Variants in CNTN4 observed in about 807,000 individuals in gnomAD.
CNTN4 encodes contactin-4.
Under a neutral mutation model 122.5 loss-of-function variants are expected in CNTN4, and 77 were observed. The observed-to-expected ratio is 0.63, with a 90% CI of 0.52 to 0.76. The LOEUF is 0.76. Among genes scored for constraint, CNTN4 ranks in the 30% least tolerant of loss-of-function variants. The probability of loss-of-function intolerance (pLI) is 0.00; values close to 1 mark genes in which losing one functional copy is unlikely to be tolerated. For missense variants in CNTN4, 1,256 were observed against 1,259.1 expected (o/e 1.00, Z 0.04); for synonymous variants, 512 against 447.0 (o/e 1.15, Z -1.83).
intron 3 of CNTN4, among the ~76,000 whole-genome samples, chr3:2,544,184 T>C (rs528827089): frequency 8.5e-5 from 13 of 152,282 alleles, no homozygotes; most frequent in Middle Eastern, 3.4e-3. Context: ...GATTGTCCCA[T>C]GACAGCGAGT....
Position 2,324,553 on chromosome 3 carries a change from G to T in CNTN4, c.-144-14625G>T, listed in dbSNP as rs544305929. 3.7e-4 allele frequency among the ~76,000 whole-genome samples: 57 copies of T among 152,144 alleles called. No individual in the cohort carries two copies. The South Asian group carries it at 0.012, about 31-fold the overall frequency. ...CAGTTTTAATTTCTATAAATCCAGA[G>T]ATTTGAACAATTCCCCTGCTAGCTT... On this transcript the variant is annotated intron_variant, in intron 2 of 24. Coordinates refer to ENST00000418658, the MANE Select transcript of CNTN4 (RefSeq NM_175607.3).
At chr3:2,813,082 A>G (rs1214878716) in intron 6 of CNTN4, among the ~76,000 whole-genome samples, 2 of 152,336 alleles carry the variant, frequency 1.3e-5, no homozygotes, top group East Asian at 3.9e-4. Flanking sequence ...AATCCAGGAA[A>G]CCATAAAGTG....
At chr3:2,859,238 T>C (rs1006910416) in intron 7 of CNTN4, among the ~76,000 whole-genome samples, 2 of 152,220 alleles carry the variant, frequency 1.3e-5, no homozygotes, top group Non-Finnish European at 2.9e-5. Context: ...TAACAGTATT[T>C]TATTATTTTT....
At chr3:2,899,832 G>A (rs373030799) in intron 10 of CNTN4, among the ~76,000 whole-genome samples, 1 of 152,038 alleles carries the variant, frequency 6.6e-6, no homozygotes, top group South Asian at 2.1e-4. Flanking sequence ...TCATATTCCT[G>A]TAGATAACAT....
intron 2 of CNTN4, among the ~76,000 whole-genome samples, chr3:2,154,907 G>T (rs1285104001): frequency 1.3e-5 from 2 of 152,196 alleles, no homozygotes; most frequent in Non-Finnish European, 2.9e-5. Context: ...GGCCTGCCCA[G>T]AGAAAAAAGT....
At chr3:2,557,374 C>G (rs2078762207) in intron 3 of CNTN4, among the ~76,000 whole-genome samples, 1 of 152,222 alleles carries the variant, frequency 6.6e-6, no homozygotes, top group South Asian at 2.1e-4. Context: ...GGGAAACCTG[C>G]ATGCTGCATT....
intron 7 of CNTN4, among the ~76,000 whole-genome samples, chr3:2,862,127 A>C (rs1208125225): frequency 2.6e-5 from 4 of 152,232 alleles, no homozygotes; most frequent in Admixed American, 1.3e-4. Context: ...TTTCAGGTTT[A>C]AAACTTTGAG....
At chr3:2,219,486 T>C (rs1413834387) in intron 2 of CNTN4, among the ~76,000 whole-genome samples, 1 of 152,160 alleles carries the variant, frequency 6.6e-6, no homozygotes, top group African/African-American at 2.4e-5. Flanking sequence ...TTTCAGGCCA[T>C]TGCATCCTTT....
intron 10 of CNTN4, 105 bp from the exon 11 acceptor site, chr3:2,900,580 A>C: frequency 7.7e-7 from 1 of 1,292,866 alleles, no homozygotes; most frequent in Non-Finnish European, 1.1e-6. Flanking sequence ...CATCTGGAAA[A>C]GGAATTTTAT....
intron 3 of CNTN4, among the ~76,000 whole-genome samples, chr3:2,526,351 A>G (rs1002368398): frequency 2.6e-5 from 4 of 152,200 alleles, no homozygotes; most frequent in Admixed American, 1.3e-4. Flanking sequence ...ATTTTATGGC[A>G]TATTTAAAGG....
intron 2 of CNTN4, 54 bp downstream of exon 2, chr3:2,100,693 T>C (rs2125076274): frequency 6.6e-6 from 1 of 152,358 alleles, no homozygotes; most frequent in Non-Finnish European, 1.5e-5. Context: ...TTTGTGGGAA[T>C]ATCTGCAGTG....
chr3:2,619,419 T>C (rs992046203), intron 4 of CNTN4, among the ~76,000 whole-genome samples: 1 of 152,186 alleles, frequency 6.6e-6, no homozygotes, highest in Non-Finnish European at 1.5e-5. Context: ...CAAATGAATA[T>C]CTTGAAGAAT....
intron 14 of CNTN4, among the ~76,000 whole-genome samples, chr3:2,999,939 A>G (rs1695876488): frequency 6.6e-6 from 1 of 152,224 alleles, no homozygotes; most frequent in Non-Finnish European, 1.5e-5. Context: ...TAACATGCTG[A>G]GTACATTCTC....
intron 20 of CNTN4, among the ~76,000 whole-genome samples, 174 bp from the exon 21 acceptor site, chr3:3,042,136 C>T (rs1464838028): frequency 6.6e-6 from 1 of 152,198 alleles, no homozygotes; most frequent in African/African-American, 2.4e-5. Context: ...GACAAATATT[C>T]ACTACCACCA....
At chr3:2,291,054 C>G (rs1466767541) in intron 2 of CNTN4, among the ~76,000 whole-genome samples, 1 of 152,134 alleles carries the variant, frequency 6.6e-6, no homozygotes, top group Non-Finnish European at 1.5e-5. Context: ...CTGACTTATA[C>G]TGTAGCTGTA....
intron 7 of CNTN4, among the ~76,000 whole-genome samples, chr3:2,849,069 T>C (rs1382974736): frequency 6.6e-6 from 1 of 152,194 alleles, no homozygotes; most frequent in African/African-American, 2.4e-5. Flanking sequence ...CAGGATCCCA[T>C]CCCGAAGAGT....
chr3:2,950,716 A>T (rs990157919), intron 13 of CNTN4, among the ~76,000 whole-genome samples: 15 of 152,258 alleles, frequency 9.9e-5, no homozygotes. Flanking sequence ...ATGAAAAGAT[A>T]TCCCAGCATT....
intron 2 of CNTN4, among the ~76,000 whole-genome samples, chr3:2,118,534 T>C (rs2033522498): frequency 6.6e-6 from 1 of 152,244 alleles, no homozygotes; most frequent in Non-Finnish European, 1.5e-5. Flanking sequence ...ACAGAATTTT[T>C]GTAGTTATAG....
At chr3:2,262,676 G>T (rs2040883800) in intron 2 of CNTN4, among the ~76,000 whole-genome samples, 3 of 146,380 alleles carry the variant, frequency 2.0e-5, no homozygotes, top group South Asian at 2.1e-4. Flanking sequence ...AACTGTTACT[G>T]GTAACTATCC....
Sources: allele counts gnomAD v4.1 joint callset (sites outside exome capture counted in the v4.1 genomes callset), GRCh38; gene constraint gnomAD v4.1.1; transcripts MANE v1.5; gene names NCBI Gene and HGNC (gene_info 2026-07-23, HGNC 2026-07-21).